The following MAGI2 variants were observed in gnomAD, a reference collection of about 807,000 sequenced individuals.
MAGI2 encodes the protein membrane associated guanylate kinase, WW and PDZ domain containing 2, also known as membrane-associated guanylate kinase, WW and PDZ domain-containing protein 2.
In MAGI2, 35 loss-of-function variants were observed where a neutral mutation model predicts 133.3. The observed-to-expected ratio is 0.26, with a 90% CI of 0.20 to 0.35. The LOEUF is 0.35. MAGI2 is among the 10% of genes least tolerant of loss of function. The pLI is 1.00. For missense variants in MAGI2, 1,636 were observed against 1,863.4 expected (o/e 0.88, Z 2.25); for synonymous variants, 729 against 710.6 (o/e 1.03, Z -0.41).
Position 79,070,115 on chromosome 7 carries a change from C to T in MAGI2, c.302-62909G>A, listed in dbSNP as rs192537870. 4.7e-3 allele frequency among the ~76,000 whole-genome samples: 718 copies of T among 152,108 alleles called. 3 individuals are homozygous for T. Among genetic ancestry groups the T allele is most frequent in the Non-Finnish European group, 8.6e-3 (586 of 67,978 alleles). On this transcript the variant is annotated intron_variant, in intron 1 of 21. Coordinates refer to ENST00000354212, the MANE Select transcript of MAGI2 (RefSeq NM_012301.4). ...TGCTCTTCTCAAGGAGTATCTTTGT[C>T]GTGTTCTCTGTATTTCCTGAATTTG...
chr7:78,880,102 C>T (rs1470169473), intron 2 of MAGI2, among the ~76,000 whole-genome samples: 1 of 151,102 alleles, frequency 6.6e-6, no homozygotes, highest in African/African-American at 2.4e-5. Context: ...AAATTACTGG[C>T]ATTCCTGAAA....
chr7:78,953,125 T>C (rs986237790), intron 2 of MAGI2, among the ~76,000 whole-genome samples: 3 of 152,176 alleles, frequency 2.0e-5, no homozygotes, highest in African/African-American at 7.2e-5. Context: ...ATTCTTCATA[T>C]AATACATCCA....
At chr7:79,272,918 C>T (rs1031589919) in intron 1 of MAGI2, among the ~76,000 whole-genome samples, 7 of 152,008 alleles carry the variant, frequency 4.6e-5, no homozygotes, top group Admixed American at 6.6e-5. Context: ...AATTTTCCTT[C>T]GCCAAACAGC....
At chr7:78,257,016 T>C (rs1470785572) in intron 9 of MAGI2, among the ~76,000 whole-genome samples, 1 of 152,200 alleles carries the variant, frequency 6.6e-6, no homozygotes, top group Admixed American at 6.5e-5. Flanking sequence ...TTTTTTTGTA[T>C]AAGTTGAATA....
intron 1 of MAGI2, among the ~76,000 whole-genome samples, chr7:79,153,961 G>A (rs752351704): frequency 6.6e-6 from 1 of 152,106 alleles, no homozygotes; most frequent in Non-Finnish European, 1.5e-5. Flanking sequence ...TAATTTATAT[G>A]CCATCACTTG....
At chr7:79,052,454 A>G (rs990034090) in intron 1 of MAGI2, among the ~76,000 whole-genome samples, 1 of 152,172 alleles carries the variant, frequency 6.6e-6, no homozygotes, top group African/African-American at 2.4e-5. Context: ...TCGCACACCC[A>G]TGAGGCTGTC....
intron 1 of MAGI2, among the ~76,000 whole-genome samples, chr7:79,176,567 TATC>T (rs1826116624): frequency 6.6e-6 from 1 of 152,044 alleles, no homozygotes; most frequent in South Asian, 2.1e-4. Context: ...TGGATTTTAT[TATC>T]ATAAAAATTG....
chr7:78,494,690 T>C (rs1793928944), intron 5 of MAGI2, among the ~76,000 whole-genome samples: 1 of 152,204 alleles, frequency 6.6e-6, no homozygotes, highest in Admixed American at 6.5e-5. Context: ...TTCACTGCTG[T>C]ACAACTATTG....
chr7:78,408,359 A>T (rs957751074), intron 6 of MAGI2, among the ~76,000 whole-genome samples: 5 of 152,040 alleles, frequency 3.3e-5, no homozygotes, highest in African/African-American at 1.2e-4. Context: ...CCAAGCAATT[A>T]TAATATGTTG....
At chr7:78,295,309 A>G (rs768356535) in intron 9 of MAGI2, among the ~76,000 whole-genome samples, 1 of 152,210 alleles carries the variant, frequency 6.6e-6, no homozygotes, top group Non-Finnish European at 1.5e-5. Context: ...TACTTTGGCT[A>G]TAACCAGAAG....
intron 14 of MAGI2, among the ~76,000 whole-genome samples, chr7:78,174,742 G>A (rs1490165856): frequency 6.6e-6 from 1 of 152,152 alleles, no homozygotes; most frequent in Non-Finnish European, 1.5e-5. Flanking sequence ...GACCATACCC[G>A]AAAGACCAGC....
intron 21 of MAGI2, among the ~76,000 whole-genome samples, chr7:78,063,707 C>A (rs1813520760): frequency 6.6e-6 from 1 of 152,086 alleles, no homozygotes; most frequent in Non-Finnish European, 1.5e-5. Context: ...GAAAGCAATG[C>A]CCAGCTAAAA....
chr7:79,358,631 C>G (rs848954), intron 1 of MAGI2, among the ~76,000 whole-genome samples: 76,261 of 151,862 alleles, frequency 0.5, 20,658 homozygotes, highest in African/African-American at 0.71. Context: ...CCTACCCAGA[C>G]ATATCAGGGT....
At chr7:78,055,308 G>GT (rs1370262516) in intron 21 of MAGI2, among the ~76,000 whole-genome samples, 2 of 152,206 alleles carry the variant, frequency 1.3e-5, no homozygotes, top group Non-Finnish European at 2.9e-5. Flanking sequence ...ACCTTGCAAT[G>GT]TTTACATTTA....
chr7:78,021,380 AAG>A (rs1208249984), intron 21 of MAGI2, among the ~76,000 whole-genome samples: 1 of 152,210 alleles, frequency 6.6e-6, no homozygotes, highest in African/African-American at 2.4e-5. Flanking sequence ...CACTAGCTAA[AAG>A]ATTCAGTCCC....
chr7:78,746,198 C>T (rs998142869), intron 2 of MAGI2, among the ~76,000 whole-genome samples: 3 of 152,178 alleles, frequency 2.0e-5, no homozygotes, highest in Non-Finnish European at 4.4e-5. Context: ...TCTCAAAGAG[C>T]AATTTTGTAG....
chr7:78,923,309 G>C (rs550465471), intron 2 of MAGI2, among the ~76,000 whole-genome samples: 1 of 152,216 alleles, frequency 6.6e-6, no homozygotes, highest in South Asian at 2.1e-4. Flanking sequence ...TTTTCTTCTA[G>C]GGTTTTTATG....
chr7:78,828,974 C>G (rs143010432), intron 2 of MAGI2, among the ~76,000 whole-genome samples: 63 of 152,180 alleles, frequency 4.1e-4, no homozygotes, highest in Admixed American at 1.6e-3. Context: ...AGTAAATTCA[C>G]TAACTCTTAT....
intron 3 of MAGI2, among the ~76,000 whole-genome samples, chr7:78,535,872 A>ACC (rs148139487): frequency 1.0e-3 from 122 of 118,054 alleles, no homozygotes; most frequent in African/African-American, 3.0e-3. Flanking sequence ...TCTTGTGTAC[A>ACC]CCCCCCCCGC....
Sources: allele counts gnomAD v4.1 joint callset (sites outside exome capture counted in the v4.1 genomes callset), GRCh38; gene constraint gnomAD v4.1.1; transcripts MANE v1.5; gene names NCBI Gene and HGNC (gene_info 2026-07-23, HGNC 2026-07-21).